RADIL: variants seen among roughly 807,000 people sequenced by gnomAD.
The protein encoded by RADIL is ras-associating and dilute domain-containing protein.
RADIL carries 99 observed loss-of-function variants against 97.6 expected under a neutral mutation model. The observed-to-expected ratio is 1.01, with a 90% confidence interval of 0.86 to 1.20. The LOEUF (loss-of-function observed/expected upper bound fraction) is 1.20. Ranked by LOEUF, RADIL falls within the 50% of genes most tolerant of loss-of-function variation. The pLI is 0.00. For missense variants in RADIL, 1,765 were observed against 1,498.9 expected (o/e 1.18, Z -2.93); for synonymous variants, 803 against 691.8 (o/e 1.16, Z -2.52).
At chr7:4,809,301 C>T in intron 9 of RADIL, 11 of 985,408 alleles carry the variant, frequency 1.1e-5, no homozygotes, top group Non-Finnish European at 1.3e-5. Context: ...GGTTCCTGCC[C>T]TCGGCTCGGC....
At chr7:4,809,574 C>T in intron 9 of RADIL, 1 of 985,500 alleles carries the variant, frequency 1.0e-6, no homozygotes, top group Non-Finnish European at 1.2e-6. Context: ...GCAGGTCCCG[C>T]CCCACTTCCA....
At chr7:4,881,881 C>G (rs767777919) in intron 1 of RADIL, among the ~76,000 whole-genome samples, 1 of 152,134 alleles carries the variant, frequency 6.6e-6, no homozygotes, top group Non-Finnish European at 1.5e-5. Flanking sequence ...ATTACAAACA[C>G]ACAACTGCTA....
chr7:4,861,278 G>A (rs1381376029), intron 2 of RADIL: 12 of 1,614,134 alleles, frequency 7.4e-6, no homozygotes, highest in Non-Finnish European at 1.0e-5. Context: ...TTCTGGAATA[G>A]TCTGTAGTGC....
rs1782908093 is a variant in RADIL, at chr7:4,824,076, G to GATCCTTTTGCAA, written c.1455-1523_1455-1522insTTGCAAAAGGAT. Among the ~76,000 whole-genome samples, 1 of 152,236 alleles carries GATCCTTTTGCAA rather than the reference G, an allele frequency of 6.6e-6. No individual in the cohort carries two copies. The highest frequency in any genetic ancestry group is 2.1e-4 in the South Asian group (1 of 4,836). On this transcript the variant is annotated intron_variant, in intron 5 of 14. Coordinates refer to ENST00000399583, the MANE Select transcript of RADIL (RefSeq NM_018059.5). The surrounding 1 kb of genome is among the most constrained non-coding windows in gnomAD (Gnocchi z 6.7). ...CGTGTGTGCCCCTGAGCAGTGAGCA[G>GATCCTTTTGCAA]AAGGGATCCTTTTGCAAACAGATCA...
At position 4,817,280 on chromosome 7, in the gene RADIL, C is replaced by A; in HGVS notation, c.1687G>T (p.Val563Leu). ...EEAMAVLEEVVLYAFQQCVYY... is the reference protein window; with the variant it reads ...EEAMAVLEEVLLYAFQQCVYY... ...ACGCACTGCTGGAAGGCGTACAGCACCACCTCCTCCAGCACCGCCATGGCC... is the reference window on the plus strand; with the variant it reads ...ACGCACTGCTGGAAGGCGTACAGCAACACCTCCTCCAGCACCGCCATGGCC... Residue 563 changes from valine (V) to leucine (L), a missense_variant, in exon 7 of 15, where the codon GTG (valine) becomes TTG (leucine). Physicochemically the swap from Val to Leu is conservative, Grantham distance 32. Coordinates refer to ENST00000399583, the MANE Select transcript of RADIL (RefSeq NM_018059.5). The surrounding 1 kb of genome is among the most constrained non-coding windows in gnomAD (Gnocchi z 8.3). The A allele has an allele frequency of 1.2e-6, 2 of 1,612,740 alleles. No homozygotes were observed. The highest frequency in any genetic ancestry group is 1.7e-6 in the Non-Finnish European group (2 of 1,179,768).
chr7:4,807,438 G>C (rs1164454076), intron 9 of RADIL, among the ~76,000 whole-genome samples: 2 of 151,900 alleles, frequency 1.3e-5, no homozygotes, highest in Non-Finnish European at 2.9e-5. Context: ...CAAGAGATCA[G>C]CTTCAAGGGA....
chr7:4,836,827 A>T (rs1783313861), intron 2 of RADIL, among the ~76,000 whole-genome samples: 1 of 151,936 alleles, frequency 6.6e-6, no homozygotes, highest in Non-Finnish European at 1.5e-5. Context: ...AATCCCAGCT[A>T]CTCAGGAGGC....
At chr7:4,875,892 G>A (rs548351940) in intron 2 of RADIL, among the ~76,000 whole-genome samples, 3 of 152,290 alleles carry the variant, frequency 2.0e-5, no homozygotes, top group Admixed American at 2.0e-4. Flanking sequence ...CCAAATCCCA[G>A]AAGTGGCGAC....
intron 9 of RADIL, chr7:4,806,040 C>A: frequency 1.0e-6 from 1 of 985,468 alleles, no homozygotes; most frequent in Non-Finnish European, 1.2e-6. Flanking sequence ...ACAGTGAAAT[C>A]AGATTCCTGC....
At chr7:4,863,530 C>T (rs1057281440) in intron 2 of RADIL, among the ~76,000 whole-genome samples, 7 of 152,180 alleles carry the variant, frequency 4.6e-5, no homozygotes, top group African/African-American at 1.4e-4. Flanking sequence ...TGTTCTTGTA[C>T]ACTATAGAAT....
chr7:4,843,891 G>A (rs1223779244), intron 2 of RADIL, among the ~76,000 whole-genome samples: 9 of 134,976 alleles, frequency 6.7e-5, no homozygotes, highest in Non-Finnish European at 1.4e-4. Flanking sequence ...CAGCCTGGGT[G>A]ACAGAGCGAG....
intron 10 of RADIL, among the ~76,000 whole-genome samples, chr7:4,804,910 G>T (rs1443586018): frequency 6.6e-6 from 1 of 151,820 alleles, no homozygotes; most frequent in East Asian, 1.9e-4. Flanking sequence ...GCCTGGCTAA[G>T]ATGGTGAAAC....
intron 9 of RADIL, among the ~76,000 whole-genome samples, chr7:4,810,543 T>C (rs1185843725): frequency 1.3e-5 from 2 of 152,160 alleles, no homozygotes; most frequent in Non-Finnish European, 2.9e-5. Flanking sequence ...TCATCCCTCA[T>C]GTTGTTGATA....
intron 5 of RADIL, among the ~76,000 whole-genome samples, chr7:4,823,949 C>A (rs1782904746): frequency 6.6e-6 from 1 of 152,242 alleles, no homozygotes; most frequent in Admixed American, 6.5e-5. Context: ...CTGGGACGCC[C>A]CAGGGTCCTG....
rs112230377 is a variant in RADIL, at chr7:4,825,377, A to C, written c.1455-2823T>G. 2.5e-3 allele frequency among the ~76,000 whole-genome samples: 374 copies of C among 152,260 alleles called. 7 individuals carry two copies. Among genetic ancestry groups the C allele is most frequent in the African/African-American group, 8.5e-3 (353 of 41,538 alleles). ...CGCAGGGCCCACAAGGAGCACAGAG[A>C]CCAGAGCATGGGCTGCCGGCCACAG... On this transcript the variant is annotated intron_variant, in intron 5 of 14. Coordinates refer to ENST00000399583, the MANE Select transcript of RADIL (RefSeq NM_018059.5).
chr7:4,809,319 C>T (rs903688895), intron 9 of RADIL: 1 of 985,266 alleles, frequency 1.0e-6, no homozygotes, highest in East Asian at 1.1e-4. Flanking sequence ...GGCCTAGTTT[C>T]CCTAGCCAGG....
At position 4,799,635 on chromosome 7, in the gene RADIL, G is replaced by A. The variant is rs529322775; in HGVS notation, c.3117C>T (p.Tyr1039=). The change falls in exon 14 of 15, where the codon TAC becomes TAT. Residue 1039 remains tyrosine, a synonymous_variant. Coordinates refer to ENST00000399583, the MANE Select transcript of RADIL (RefSeq NM_018059.5). Reference sequence around the variant, plus strand: ...CGTGCATGCGGTGGGGGTACCTCAGGTAGCCAAGGCCCAGGAGGCTGCTGC... The same window carrying A: ...CGTGCATGCGGTGGGGGTACCTCAGATAGCCAAGGCCCAGGAGGCTGCTGC... ...VNGSSLLGLG[Y]LRAVDLIRHG... The A allele has an allele frequency of 4.4e-6, 7 of 1,605,138 alleles. No individual in the cohort carries two copies. Among genetic ancestry groups the A allele is most frequent in the African/African-American group, 2.7e-5 (2 of 74,954 alleles).
intron 2 of RADIL, among the ~76,000 whole-genome samples, chr7:4,863,213 T>C (rs983944283): frequency 1.7e-4 from 26 of 152,246 alleles, no homozygotes; most frequent in African/African-American, 2.7e-4. Context: ...TAAATACTTA[T>C]ATTTCACTAT....
chr7:4,823,964 C>T (rs1245507336), intron 5 of RADIL, among the ~76,000 whole-genome samples: 1 of 152,254 alleles, frequency 6.6e-6, no homozygotes, highest in Non-Finnish European at 1.5e-5. Flanking sequence ...GTCCTGGCAG[C>T]TCAGAGGATG....
Sources: gnomAD v4.1 joint callset for allele counts (sites outside exome capture counted in the v4.1 genomes callset) on GRCh38, gnomAD v4.1.1 for gene constraint, Gnocchi (gnomAD v3.1) non-coding constraint, MANE v1.5 for transcripts, NCBI Gene and HGNC (gene_info 2026-07-23, HGNC 2026-07-21) for gene names.